The following TP53I13 variants were observed in gnomAD, a reference collection of about 807,000 sequenced individuals.
TP53I13 encodes tumor protein p53 inducible protein 13, also known as tumor protein p53-inducible protein 13.
TP53I13 carries 27 observed loss-of-function variants against 39.1 expected under a neutral mutation model. The ratio of observed to expected loss-of-function variants is 0.69; its 90% CI spans 0.51 to 0.95. The LOEUF is 0.95. Ranked by LOEUF, TP53I13 falls within the 40% of genes least tolerant of loss-of-function variation. TP53I13 has a pLI of 0.00. For synonymous variants in TP53I13, 230 were observed against 224.6 expected, an observed-to-expected ratio of 1.02 and a Z score of -0.22; for missense variants, 544 against 520.4, an observed-to-expected ratio of 1.05 and a Z score of -0.44.
chr17:29,575,943 C>T (rs1373407255), downstream of TP53I13: 3 of 1,543,882 alleles, frequency 1.9e-6, no homozygotes, highest in Admixed American at 3.5e-5. The surrounding 1 kb of genome is among the most constrained non-coding windows in gnomAD (Gnocchi z 5.5). Flanking sequence ...TGCCCCACTG[C>T]CCCCCTGCTC....
chr17:29,575,703 T>A, downstream of TP53I13: 3 of 1,612,370 alleles, frequency 1.9e-6, no homozygotes, highest in Non-Finnish European at 2.5e-6. The surrounding 1 kb of genome is among the most constrained non-coding windows in gnomAD (Gnocchi z 5.5). Flanking sequence ...GAAAGCTTGC[T>A]CTGGAGGGCG....
In TP53I13 at chr17:29,572,983, T is replaced by G; in HGVS notation, c.*59T>G. 1 of 1,313,136 alleles carries G rather than the reference T, an allele frequency of 7.6e-7. No individual in the cohort carries two copies. The highest frequency in any genetic ancestry group is 9.8e-7 in the Non-Finnish European group (1 of 1,023,752). 81.3% of individuals were successfully genotyped at this position (1,313,136 alleles called of 1,614,324 possible). ...CTCCCCGCGCCGCGAGGCCGCGACC[T>G]CTGCCACGTGGACCGCGCGCGGGGC... On this transcript the variant is annotated 3_prime_UTR_variant, in exon 7 of 7. Coordinates refer to ENST00000301057, the MANE Select transcript of TP53I13 (RefSeq NM_138349.4).
chr17:29,572,114 G>C (rs756444334), intron 5 of TP53I13, 28 bp from the exon 6 acceptor site: 4 of 1,610,480 alleles, frequency 2.5e-6, no homozygotes, highest in Non-Finnish European at 3.4e-6. Flanking sequence ...AGGGGCAGCA[G>C]GGTGATTGCT....
upstream of TP53I13, chr17:29,566,840 C>T: frequency 2.0e-6 from 3 of 1,514,424 alleles, no homozygotes; most frequent in Non-Finnish European, 2.6e-6. Flanking sequence ...TCGTCTCGGT[C>T]TTGGGCCCCC....
chr17:29,576,895 T>G (rs2033227205), downstream of TP53I13: 1 of 1,576,802 alleles, frequency 6.3e-7, no homozygotes, highest in East Asian at 2.3e-5. Context: ...GCGCCGGTGC[T>G]GCGCAGGGGC....
chr17:29,572,942 C>T lies in TP53I13; in HGVS notation c.*18C>T. ...CGGAGTGACGGCCTGGGACCTGCCACTGTGGCGTGCGGCTCCTCCCCGCGC... is the reference window on the plus strand; with the variant it reads ...CGGAGTGACGGCCTGGGACCTGCCATTGTGGCGTGCGGCTCCTCCCCGCGC... On this transcript the variant is annotated 3_prime_UTR_variant, in exon 7 of 7. Coordinates refer to ENST00000301057, the MANE Select transcript of TP53I13 (RefSeq NM_138349.4). 7.0e-7 allele frequency: 1 copy of T among 1,424,814 alleles called. No homozygotes were observed. The highest frequency in any genetic ancestry group is 2.5e-4 in the Middle Eastern group (1 of 3,960). The allele number at this position is 1,424,814 out of a possible 1,614,324, so 88.3% of individuals were successfully genotyped here. A position where few individuals can be genotyped will look rare whatever the true frequency, so the allele number is the denominator to read the frequency against.
chr17:29,569,439 T>A (rs80029746), intron 3 of TP53I13, 80 bp downstream of exon 3: 27,557 of 1,417,174 alleles, frequency 0.019, 356 homozygotes, highest in Non-Finnish European at 0.023. Context: ...CTGCCTGTTC[T>A]GCTGATCGGC....
chr17:29,576,325 C>A, downstream of TP53I13: 1 of 1,613,222 alleles, frequency 6.2e-7, no homozygotes, highest in Non-Finnish European at 8.5e-7. Flanking sequence ...CCTGGCGATC[C>A]CTGCGGTGTG....
chr17:29,569,371 C>G lies in TP53I13; in HGVS notation c.183+12C>G. On this transcript the variant is annotated intron_variant, in intron 3 of 6. Coordinates refer to ENST00000301057, the MANE Select transcript of TP53I13 (RefSeq NM_138349.4). ...TGAGCCCAGGGCAGGTGAGTACAAG[C>G]AGGGGCCCACCACCCTTGGTGTCCA... is the stretch of plus-strand genomic sequence containing the variant. 6.2e-7 allele frequency: 1 copy of G among 1,613,308 alleles called. No individual in the cohort carries two copies. Among genetic ancestry groups the G allele is most frequent in the Non-Finnish European group, 8.5e-7 (1 of 1,179,678 alleles).
At chr17:29,580,680 A>C in the TP53I13 span, among the ~76,000 whole-genome samples, 1 of 152,184 alleles carries the variant, frequency 6.6e-6, no homozygotes, top group Admixed American at 6.5e-5. Flanking sequence ...TTTTCAGCGA[A>C]GAGCAGAGGC....
upstream of TP53I13, chr17:29,567,070 G>A (rs1252121784): frequency 9.8e-7 from 1 of 1,017,654 alleles, no homozygotes. This position sits in a 1 kb window ranked among gnomAD's most constrained non-coding sequence, Gnocchi z 6.6. Context: ...GCTGCCCAGG[G>A]CCCTCCCGCG....
the TP53I13 span, chr17:29,578,220 T>C: frequency 8.4e-7 from 1 of 1,195,850 alleles, no homozygotes; most frequent in Non-Finnish European, 1.3e-6. Flanking sequence ...GCACCCCTTC[T>C]TAGCCCAGTA....
upstream of TP53I13, chr17:29,568,437 C>A: frequency 6.5e-6 from 1 of 152,674 alleles, no homozygotes; most frequent in Non-Finnish European, 1.5e-5. This position sits in a 1 kb window ranked among gnomAD's most constrained non-coding sequence, Gnocchi z 4.5. Context: ...ACTGCAGGGA[C>A]CTGCTGAGAC....
Position 29,573,141 on chromosome 17 carries a change from AAATT to A in TP53I13, c.*219_*222del. 2.4e-6 allele frequency: 1 copy of A among 424,270 alleles called. No homozygotes were observed. The highest frequency in any genetic ancestry group is 5.6e-5 in the South Asian group (1 of 17,786). 26.3% of individuals were successfully genotyped at this position (424,270 alleles called of 1,614,324 possible). A position where few individuals can be genotyped will look rare whatever the true frequency, so the allele number is the denominator to read the frequency against. ...CCTTGCCAAAACTCCGTTTCTAATT[AAATT>A]ATTTTTAGTAGACTCTGGAGTTGAG... is the stretch of plus-strand genomic sequence containing the variant. On this transcript the variant is annotated 3_prime_UTR_variant, in exon 7 of 7. Coordinates refer to ENST00000301057, the MANE Select transcript of TP53I13 (RefSeq NM_138349.4).
the TP53I13 span, chr17:29,582,277 A>G: frequency 1.5e-6 from 1 of 653,972 alleles, no homozygotes; most frequent in Non-Finnish European, 2.7e-6. Context: ...CTATGTCGGG[A>G]GGACAGAGGC....
At chr17:29,567,798 A>G (rs944288267), upstream of TP53I13, among the ~76,000 whole-genome samples, 16 of 152,136 alleles carry the variant, frequency 1.1e-4, no homozygotes, top group African/African-American at 3.6e-4. The surrounding 1 kb of genome is among the most constrained non-coding windows in gnomAD (Gnocchi z 6.6). Flanking sequence ...CCGACCTACA[A>G]GGAACGCCTC....
downstream of TP53I13, chr17:29,577,544 CA>C (rs2150831331): frequency 1.2e-6 from 1 of 826,006 alleles, no homozygotes; most frequent in East Asian, 2.4e-5. Flanking sequence ...GAGGCCCTGG[CA>C]AATGCTGGAG....
At chr17:29,576,264 G>C (rs1228387086), downstream of TP53I13, 8 of 1,610,254 alleles carry the variant, frequency 5.0e-6, no homozygotes, top group Non-Finnish European at 6.8e-6. Flanking sequence ...TCGTCCCCAG[G>C]GGGGCCCCCA....
At chr17:29,575,952 T>C, downstream of TP53I13, 1 of 1,545,276 alleles carries the variant, frequency 6.5e-7, no homozygotes. This position sits in a 1 kb window ranked among gnomAD's most constrained non-coding sequence, Gnocchi z 5.5. Flanking sequence ...GCCCCCCTGC[T>C]CACCAGCAGT....
Sources: allele counts gnomAD v4.1 joint callset (sites outside exome capture counted in the v4.1 genomes callset), GRCh38; gene constraint gnomAD v4.1.1; non-coding constraint Gnocchi (gnomAD v3.1); transcripts MANE v1.5; gene names NCBI Gene and HGNC (gene_info 2026-07-23, HGNC 2026-07-21).